The following ZNF804A variants were observed in gnomAD, a reference collection of about 807,000 sequenced individuals.
ZNF804A encodes zinc finger protein 804A.
A neutral mutation model predicts 16.5 loss-of-function variants in ZNF804A; 2 were observed. The ratio of observed to expected loss-of-function variants is 0.12; its 90% CI spans 0.05 to 0.38. The LOEUF (loss-of-function observed/expected upper bound fraction) is 0.38, where lower values mean the gene tolerates loss of function less well. Ranked by LOEUF, ZNF804A falls within the 10% of genes least tolerant of loss-of-function variation. The pLI is 0.99. For missense variants in ZNF804A, 1,473 were observed against 1,390.7 expected, an observed-to-expected ratio of 1.06 and a Z score of -0.94; for synonymous variants, 534 against 489.6, an observed-to-expected ratio of 1.09 and a Z score of -1.20.
At chr2:184,667,926 T>C (rs1692277135) in intron 1 of ZNF804A, among the ~76,000 whole-genome samples, 1 of 151,846 alleles carries the variant, frequency 6.6e-6, no homozygotes, top group Admixed American at 6.6e-5. Context: ...TTCAAAATAA[T>C]GAAAAATCAA....
At chr2:184,923,810 T>C (rs1390955219) in intron 2 of ZNF804A, among the ~76,000 whole-genome samples, 4 of 152,056 alleles carry the variant, frequency 2.6e-5, no homozygotes, top group Admixed American at 6.6e-5. Context: ...GAAACAATTA[T>C]ATGGTTTTTG....
Position 184,936,953 on chromosome 2 carries a change from A to G in ZNF804A, c.1557A>G (p.Lys519=). Residue 519 remains lysine (K), a synonymous_variant, in exon 4 of 4, where the codon AAA becomes AAG. Coordinates refer to ENST00000302277, the MANE Select transcript of ZNF804A (RefSeq NM_194250.2). Reference sequence around the variant, plus strand: ...ATGAAATTGGAAGTAGCAAAAATAAATGCAGCCAAGTCACTCCTCTTTTGG... The same window carrying G: ...ATGAAATTGGAAGTAGCAAAAATAAGTGCAGCCAAGTCACTCCTCTTTTGG... ...TDYEIGSSKN[K]CSQVTPLLAD... is the part of the protein sequence containing the mutation. The G allele has an allele frequency of 1.2e-6, 2 of 1,614,002 alleles. No homozygotes were observed. The highest frequency in any genetic ancestry group is 2.2e-5 in the South Asian group (2 of 91,076).
chr2:184,767,111 C>T (rs185679955), intron 1 of ZNF804A, among the ~76,000 whole-genome samples: 4 of 152,218 alleles, frequency 2.6e-5, no homozygotes, highest in Admixed American at 1.3e-4. Flanking sequence ...GGATTTCCGG[C>T]CTCCAAGACT....
intron 2 of ZNF804A, among the ~76,000 whole-genome samples, chr2:184,894,934 C>T (rs964987365): frequency 7.2e-6 from 1 of 139,228 alleles, no homozygotes; most frequent in African/African-American, 2.8e-5. Context: ...ACTTCGTGAT[C>T]CCCCCACGTC....
chr2:184,805,920 T>C (rs965400145), intron 1 of ZNF804A, among the ~76,000 whole-genome samples: 1 of 151,972 alleles, frequency 6.6e-6, no homozygotes, highest in East Asian at 1.9e-4. Context: ...ATTATATCAA[T>C]AGTGAGGATT....
chr2:184,690,503 T>C (rs996137219), intron 1 of ZNF804A, among the ~76,000 whole-genome samples: 7 of 152,084 alleles, frequency 4.6e-5, no homozygotes, highest in East Asian at 1.9e-4. Flanking sequence ...AGAATACTTA[T>C]GTTTGCTAAA....
chr2:184,777,562 A>ATT (rs11420949), intron 1 of ZNF804A, among the ~76,000 whole-genome samples: 2 of 150,508 alleles, frequency 1.3e-5, no homozygotes, highest in Non-Finnish European at 3.0e-5. Flanking sequence ...TGCTGTCTAC[A>ATT]TTTTTTTTTA....
At chr2:184,858,091 A>G (rs1268077069) in intron 1 of ZNF804A, among the ~76,000 whole-genome samples, 2 of 151,830 alleles carry the variant, frequency 1.3e-5, no homozygotes, top group Non-Finnish European at 2.9e-5. Flanking sequence ...TTCTTTAGTG[A>G]TAGACTTTTA....
intron 1 of ZNF804A, among the ~76,000 whole-genome samples, chr2:184,793,781 C>T (rs1694588800): frequency 6.6e-6 from 1 of 152,126 alleles, no homozygotes. Context: ...CCTTTTCATC[C>T]TCATAGCTGA....
intron 1 of ZNF804A, among the ~76,000 whole-genome samples, chr2:184,742,916 A>G (rs1693731132): frequency 6.6e-6 from 1 of 151,952 alleles, no homozygotes; most frequent in African/African-American, 2.4e-5. Flanking sequence ...ACACATAAAA[A>G]ATATCTCATA....
chr2:184,712,705 C>T (rs1032302152), intron 1 of ZNF804A, among the ~76,000 whole-genome samples: 2 of 151,568 alleles, frequency 1.3e-5, no homozygotes, highest in Admixed American at 1.3e-4. Context: ...ACTTTCTTCA[C>T]TCCTATTCAT....
chr2:184,782,288 A>G (rs1455682823), intron 1 of ZNF804A, among the ~76,000 whole-genome samples: 1 of 151,580 alleles, frequency 6.6e-6, no homozygotes, highest in Admixed American at 6.6e-5. Context: ...TGAAGGGTGC[A>G]AAGTATTGAT....
At chr2:184,636,757 A>G (rs564048772) in intron 1 of ZNF804A, among the ~76,000 whole-genome samples, 6 of 152,216 alleles carry the variant, frequency 3.9e-5, no homozygotes, top group Admixed American at 2.6e-4. Flanking sequence ...GACAATCACT[A>G]TCACCCAGAG....
intron 1 of ZNF804A, among the ~76,000 whole-genome samples, chr2:184,694,588 T>C (rs1692789747): frequency 6.6e-6 from 1 of 152,198 alleles, no homozygotes; most frequent in Non-Finnish European, 1.5e-5. Context: ...TTATCTAAGT[T>C]TGAGTTTCCT....
chr2:184,862,941 CT>C (rs1343629449), intron 1 of ZNF804A, among the ~76,000 whole-genome samples: 6 of 151,892 alleles, frequency 4.0e-5, no homozygotes, highest in Non-Finnish European at 5.9e-5. Context: ...TCTGATATTG[CT>C]TTTGTGATTA....
At chr2:184,836,976 C>T (rs1189182616) in intron 1 of ZNF804A, among the ~76,000 whole-genome samples, 1 of 151,848 alleles carries the variant, frequency 6.6e-6, no homozygotes, top group Non-Finnish European at 1.5e-5. Context: ...TGACTATGTA[C>T]ATGGTGTGTC....
intron 2 of ZNF804A, among the ~76,000 whole-genome samples, chr2:184,867,170 G>A (rs1478001274): frequency 6.6e-6 from 1 of 151,818 alleles, no homozygotes; most frequent in Non-Finnish European, 1.5e-5. Context: ...TTAAATAGTA[G>A]TGTTATAAAT....
chr2:184,759,607 T>A (rs1357075599), intron 1 of ZNF804A, among the ~76,000 whole-genome samples: 1 of 152,094 alleles, frequency 6.6e-6, no homozygotes, highest in Admixed American at 6.6e-5. Flanking sequence ...GCAATTGATT[T>A]TTTTAACTTT....
intron 1 of ZNF804A, among the ~76,000 whole-genome samples, chr2:184,685,169 C>G (rs2105721626): frequency 6.6e-6 from 1 of 152,220 alleles, no homozygotes; most frequent in East Asian, 1.9e-4. Flanking sequence ...GCTCCAGGCT[C>G]TGGCATAGGT....
Sources: gnomAD v4.1 joint callset for allele counts (sites outside exome capture counted in the v4.1 genomes callset) on GRCh38, gnomAD v4.1.1 for gene constraint, MANE v1.5 for transcripts, NCBI Gene and HGNC (gene_info 2026-07-23, HGNC 2026-07-21) for gene names.